STAG1: variants seen among roughly 807,000 people sequenced by gnomAD.
STAG1 encodes the protein STAG1 cohesin complex component, also known as cohesin subunit SA-1.
A neutral mutation model predicts 170.9 loss-of-function variants in STAG1; 26 were observed. That is an observed-to-expected ratio of 0.15 (90% CI 0.11 to 0.21). The LOEUF is 0.21. Among genes scored for constraint, STAG1 ranks in the 10% least tolerant of loss-of-function variants. The probability of loss-of-function intolerance (pLI) is 1.00; values close to 1 mark genes in which losing one functional copy is unlikely to be tolerated. For missense variants in STAG1, 964 were observed against 1,509.5 expected (o/e 0.64, Z 5.99); for synonymous variants, 514 against 497.7 (o/e 1.03, Z -0.44).
chr3:136,501,980 G>A (rs896262766), intron 8 of STAG1, among the ~76,000 whole-genome samples: 1 of 151,996 alleles, frequency 6.6e-6, no homozygotes, highest in Admixed American at 6.6e-5. Context: ...TTGGGAGTTC[G>A]AGACCAGCCT....
intron 1 of STAG1, among the ~76,000 whole-genome samples, chr3:136,728,356 T>C (rs1933807144): frequency 6.6e-6 from 1 of 152,204 alleles, no homozygotes; most frequent in Admixed American, 6.5e-5. Flanking sequence ...AAGCAGCATG[T>C]AAATGCATTT....
intron 1 of STAG1, among the ~76,000 whole-genome samples, chr3:136,707,782 C>T (rs1277441508): frequency 6.6e-6 from 1 of 152,138 alleles, no homozygotes; most frequent in Non-Finnish European, 1.5e-5. Flanking sequence ...AGAATTAATA[C>T]AGTCTCTAGA....
chr3:136,507,035 T>C (rs1455792743), intron 7 of STAG1, among the ~76,000 whole-genome samples: 1 of 152,246 alleles, frequency 6.6e-6, no homozygotes, highest in African/African-American at 2.4e-5. Flanking sequence ...AACATACTTA[T>C]TCATTTACAA....
At chr3:136,643,649 C>T (rs1410811103) in intron 1 of STAG1, among the ~76,000 whole-genome samples, 1 of 152,172 alleles carries the variant, frequency 6.6e-6, no homozygotes, top group Non-Finnish European at 1.5e-5. Context: ...GCTGGGACTA[C>T]AGGCACACAC....
chr3:136,597,374 GATATTACCAAAATA>G (rs1167233650), intron 4 of STAG1, among the ~76,000 whole-genome samples: 1 of 152,128 alleles, frequency 6.6e-6, no homozygotes, highest in East Asian at 1.9e-4. Context: ...AACTCTTCTT[GATATTACCAAAATA>G]GTCTCCAAAG....
chr3:136,494,232 C>G (rs1932944822), intron 9 of STAG1, among the ~76,000 whole-genome samples: 1 of 152,118 alleles, frequency 6.6e-6, no homozygotes, highest in Non-Finnish European at 1.5e-5. Context: ...GATTGTGCCA[C>G]TGCACTCCAG....
chr3:136,444,327 G>A (rs1375511490), intron 14 of STAG1, among the ~76,000 whole-genome samples: 1 of 152,166 alleles, frequency 6.6e-6, no homozygotes. Context: ...GCCTGCCTCG[G>A]CCTGCCAAAG....
Position 136,499,824 on chromosome 3 carries a change from G to GT in STAG1, c.902+398dup, listed in dbSNP as rs71662622. 8.8e-3 allele frequency: 1,276 copies of GT among 145,344 alleles called. 8 individuals carry two copies. Among genetic ancestry groups the GT allele is most frequent in the Middle Eastern group, 0.019 (5 of 268 alleles). The allele number at this position is 145,344 out of a possible 1,614,324, so 9.0% of individuals were successfully genotyped here. Reference sequence around the variant, plus strand: ...CCTCTTTTCGCCCAGCTTCACACAGGTTTTTTTTTTTTTTAAATTATTAAT... The same window carrying GT: ...CCTCTTTTCGCCCAGCTTCACACAGGTTTTTTTTTTTTTTTAAATTATTAAT... On this transcript the variant is annotated intron_variant, in intron 9 of 33. Coordinates refer to ENST00000383202, the MANE Select transcript of STAG1 (RefSeq NM_005862.3).
intron 1 of STAG1, among the ~76,000 whole-genome samples, chr3:136,655,306 T>A (rs1163666560): frequency 6.6e-6 from 1 of 152,118 alleles, no homozygotes; most frequent in East Asian, 1.9e-4. Context: ...ATAACCTGAT[T>A]CACAAATGGG....
intron 1 of STAG1, among the ~76,000 whole-genome samples, chr3:136,675,553 T>C (rs1209590926): frequency 6.6e-6 from 1 of 152,196 alleles, no homozygotes; most frequent in Non-Finnish European, 1.5e-5. Context: ...AGTTGAGATA[T>C]ACAATTCACG....
At chr3:136,423,118 A>G (rs1267661832) in intron 16 of STAG1, 74 bp from the exon 17 acceptor site, 1 of 914,708 alleles carries the variant, frequency 1.1e-6, no homozygotes, top group Non-Finnish European at 1.6e-6. Flanking sequence ...ATATTGATGA[A>G]GCACTGGCAA....
At chr3:136,476,039 C>A (rs973582475) in intron 10 of STAG1, among the ~76,000 whole-genome samples, 1 of 152,188 alleles carries the variant, frequency 6.6e-6, no homozygotes, top group Admixed American at 6.5e-5. Context: ...TAAAGGATAT[C>A]TGGGTAGATG....
intron 1 of STAG1, among the ~76,000 whole-genome samples, chr3:136,638,482 TTAAAAA>T (rs1237130529): frequency 3.6e-4 from 55 of 152,262 alleles, no homozygotes; most frequent in African/African-American, 1.2e-3. Context: ...AGTTGTTGAA[TTAAAAA>T]TATGTGTGTG....
chr3:136,441,732 G>C (rs1237096439), intron 15 of STAG1, among the ~76,000 whole-genome samples: 1 of 152,132 alleles, frequency 6.6e-6, no homozygotes, highest in Non-Finnish European at 1.5e-5. Context: ...AACCACACAG[G>C]AGGGTACAGG....
At chr3:136,524,675 G>C (rs1438384540) in intron 6 of STAG1, among the ~76,000 whole-genome samples, 1 of 152,168 alleles carries the variant, frequency 6.6e-6, no homozygotes, top group Non-Finnish European at 1.5e-5. Context: ...TCTTGTGCCA[G>C]TTTTCAAAGG....
At chr3:136,373,329 T>G (rs990502127) in intron 23 of STAG1, among the ~76,000 whole-genome samples, 1 of 152,188 alleles carries the variant, frequency 6.6e-6, no homozygotes, top group Non-Finnish European at 1.5e-5. Flanking sequence ...TTTGAAGGGT[T>G]TTTTGTGTCT....
intron 6 of STAG1, among the ~76,000 whole-genome samples, chr3:136,541,145 G>A (rs770954265): frequency 9.9e-5 from 15 of 152,028 alleles, no homozygotes; most frequent in Non-Finnish European, 1.6e-4. Flanking sequence ...TTTGTATGAC[G>A]TTTTCCAAGT....
intron 6 of STAG1, among the ~76,000 whole-genome samples, chr3:136,540,394 G>C (rs1935834239): frequency 6.6e-6 from 1 of 151,046 alleles, no homozygotes; most frequent in African/African-American, 2.4e-5. Flanking sequence ...CAAATATTGC[G>C]AGAAAATATA....
chr3:136,369,098 CTACAAG>C lies in STAG1; in HGVS notation c.2545+4_2545+9del. 2 of 1,492,446 alleles carry C rather than the reference CTACAAG, an allele frequency of 1.3e-6. No individual in the cohort carries two copies. The highest frequency in any genetic ancestry group is 1.8e-6 in the Non-Finnish European group (2 of 1,123,182). The allele number at this position is 1,492,446 out of a possible 1,614,324, so 92.5% of individuals were successfully genotyped here. ...AAAATCAATATTGACAAGATGATAGCTACAAGTACCCATGCTCTGGTTCTCCTCGTC... is the reference window on the plus strand; with the variant it reads ...AAAATCAATATTGACAAGATGATAGCTACCCATGCTCTGGTTCTCCTCGTC... On this transcript the variant is annotated splice_donor_5th_base_variant and intron_variant, in intron 24 of 33. Transcript: ENST00000383202.
Sources: allele counts gnomAD v4.1 joint callset (sites outside exome capture counted in the v4.1 genomes callset), GRCh38; gene constraint gnomAD v4.1.1; transcripts MANE v1.5; gene names NCBI Gene and HGNC (gene_info 2026-07-23, HGNC 2026-07-21).